Variants in SHISA9 observed in about 807,000 individuals in gnomAD.
SHISA9 encodes shisa family member 9.
In SHISA9, 13 loss-of-function variants were observed where a neutral mutation model predicts 38.0. That is an observed-to-expected ratio of 0.34 (90% CI 0.22 to 0.54). SHISA9 has a LOEUF of 0.54. Ranked by LOEUF, SHISA9 falls within the 20% of genes least tolerant of loss-of-function variation. SHISA9 has a pLI of 0.91. For synonymous variants in SHISA9, 275 were observed against 242.0 expected (o/e 1.14, Z -1.27); for missense variants, 538 against 575.8 (o/e 0.93, Z 0.67).
chr16:13,397,172 G>A, the SHISA9 span, among the ~76,000 whole-genome samples: 1 of 152,192 alleles, frequency 6.6e-6, no homozygotes, highest in Non-Finnish European at 1.5e-5. Flanking sequence ...TAAAACATAT[G>A]TGTTAATCGA....
At chr16:13,092,877 A>G (rs1309556987) in intron 2 of SHISA9, among the ~76,000 whole-genome samples, 2 of 152,224 alleles carry the variant, frequency 1.3e-5, no homozygotes, top group Non-Finnish European at 2.9e-5. Context: ...TCAGTTGGAA[A>G]TGCAGAAATC....
At chr16:13,482,336 T>A in the SHISA9 span, among the ~76,000 whole-genome samples, 1 of 152,254 alleles carries the variant, frequency 6.6e-6, no homozygotes, top group Non-Finnish European at 1.5e-5. Context: ...CACCTCTTCC[T>A]CTTGCCCTTG....
the SHISA9 span, among the ~76,000 whole-genome samples, chr16:13,450,859 G>A: frequency 2.0e-5 from 3 of 152,108 alleles, no homozygotes; most frequent in African/African-American, 4.8e-5. Context: ...TTGAGGATCC[G>A]ATATGGCGGC....
intron 2 of SHISA9, among the ~76,000 whole-genome samples, chr16:13,018,779 G>C (rs1279459000): frequency 6.6e-6 from 1 of 152,198 alleles, no homozygotes; most frequent in African/African-American, 2.4e-5. Flanking sequence ...TGAAAATGCT[G>C]ATTCCTAGGT....
At chr16:13,367,373 A>C in the SHISA9 span, among the ~76,000 whole-genome samples, 6 of 149,768 alleles carry the variant, frequency 4.0e-5, no homozygotes, top group Admixed American at 1.3e-4. Flanking sequence ...ACCATTTATT[A>C]AGCTCTTACC....
chr16:13,041,971 C>T (rs2073137055), intron 2 of SHISA9, among the ~76,000 whole-genome samples: 1 of 152,174 alleles, frequency 6.6e-6, no homozygotes, highest in African/African-American at 2.4e-5. Flanking sequence ...TAATACCCGG[C>T]TTTGACTTTT....
chr16:13,309,362 G>A, the SHISA9 span, among the ~76,000 whole-genome samples: 1 of 152,146 alleles, frequency 6.6e-6, no homozygotes, highest in Non-Finnish European at 1.5e-5. Flanking sequence ...AAAAGTTGAG[G>A]CCGGGCGCAG....
At chr16:13,243,875 T>A (rs2051453410), downstream of SHISA9, among the ~76,000 whole-genome samples, 1 of 150,496 alleles carries the variant, frequency 6.6e-6, no homozygotes, top group African/African-American at 2.4e-5. Context: ...CAGGTTCATG[T>A]GATTCTCCTG....
At chr16:12,990,864 C>G in intron 2 of SHISA9, among the ~76,000 whole-genome samples, 1 of 152,290 alleles carries the variant, frequency 6.6e-6, no homozygotes, top group Non-Finnish European at 1.5e-5. Context: ...ATATTTCACC[C>G]ATAGCTTTTC....
At chr16:13,153,000 T>A (rs184550872) in intron 2 of SHISA9, among the ~76,000 whole-genome samples, 57 of 152,280 alleles carry the variant, frequency 3.7e-4, no homozygotes, top group African/African-American at 1.4e-3. Flanking sequence ...GTGATGTAAT[T>A]AGCCACAGCT....
At chr16:13,415,245 T>C in the SHISA9 span, among the ~76,000 whole-genome samples, 10 of 152,340 alleles carry the variant, frequency 6.6e-5, no homozygotes, top group South Asian at 2.1e-3. Context: ...CACCGTGGAA[T>C]ACTATGCAGC....
At chr16:13,001,960 C>A (rs535048507) in intron 2 of SHISA9, among the ~76,000 whole-genome samples, 9 of 152,144 alleles carry the variant, frequency 5.9e-5, no homozygotes, top group African/African-American at 1.9e-4. Context: ...CTGTAAAAAT[C>A]TTTCCACTGT....
chr16:13,068,871 G>GTGCT (rs1567201212), intron 2 of SHISA9, among the ~76,000 whole-genome samples: 2 of 137,044 alleles, frequency 1.5e-5, no homozygotes, highest in Non-Finnish European at 2.9e-5. Context: ...TGCAATGTGT[G>GTGCT]TATGTGTATT....
the SHISA9 span, among the ~76,000 whole-genome samples, chr16:13,490,950 G>A: frequency 6.6e-6 from 1 of 152,148 alleles, no homozygotes; most frequent in Non-Finnish European, 1.5e-5. Context: ...TCCTGTGGAA[G>A]CAGCCCTAAA....
the SHISA9 span, among the ~76,000 whole-genome samples, chr16:13,382,750 C>T: frequency 1.3e-5 from 2 of 151,096 alleles, no homozygotes; most frequent in Admixed American, 6.6e-5. Flanking sequence ...CCCAGCTACT[C>T]GGGAGGCTGA....
intron 2 of SHISA9, among the ~76,000 whole-genome samples, chr16:12,954,933 T>C (rs962024240): frequency 8.5e-5 from 13 of 152,320 alleles, no homozygotes; most frequent in African/African-American, 3.1e-4. Flanking sequence ...GGGCATCTAC[T>C]ATGCACTCGG....
chr16:12,926,862 T>C (rs1478520917), intron 2 of SHISA9, among the ~76,000 whole-genome samples: 2 of 152,242 alleles, frequency 1.3e-5, no homozygotes, highest in African/African-American at 4.8e-5. Flanking sequence ...CTATTTGTCT[T>C]ACACTATAGA....
chr16:13,361,987 C>T, the SHISA9 span, among the ~76,000 whole-genome samples: 4 of 152,076 alleles, frequency 2.6e-5, no homozygotes, highest in Non-Finnish European at 5.9e-5. Context: ...AACCCCGTTG[C>T]CATCACACAC....
chr16:13,200,409 A>AACACACACAC (rs148088145), intron 2 of SHISA9, among the ~76,000 whole-genome samples: 12,288 of 136,362 alleles, frequency 0.09, 624 homozygotes, highest in Middle Eastern at 0.15. Context: ...TATATCATGA[A>AACACACACAC]ACACACACAC....
Sources: allele counts gnomAD v4.1 joint callset (sites outside exome capture counted in the v4.1 genomes callset), GRCh38; gene constraint gnomAD v4.1.1; transcripts MANE v1.5; gene names NCBI Gene and HGNC (gene_info 2026-07-23, HGNC 2026-07-21).